FBLN7: variants seen among roughly 807,000 people sequenced by gnomAD.
The protein encoded by FBLN7 is fibulin 7, also known as fibulin-7.
A neutral mutation model predicts 44.0 loss-of-function variants in FBLN7; 31 were observed. The observed-to-expected ratio is 0.70, with a 90% CI of 0.53 to 0.95. FBLN7 has a LOEUF of 0.95. FBLN7 is among the 40% of genes least tolerant of loss of function. The pLI is 0.00. For synonymous variants in FBLN7, 262 were observed against 253.4 expected, an observed-to-expected ratio of 1.03 and a Z score of -0.32; for missense variants, 573 against 618.5, an observed-to-expected ratio of 0.93 and a Z score of 0.78.
chr2:112,159,724 C>T lies in FBLN7; in HGVS notation c.124C>T (p.Gln42Ter). The change falls in exon 2 of 8, where the codon CAG becomes TAG. Residue 42 changes from glutamine to a stop codon, truncating the protein, a stop_gained. Transcript: ENST00000331203. LOFTEE classifies it high-confidence loss of function. The stretch of plus-strand genomic sequence containing the variant: ...CCTCTCGGCCATCCGCCAGCTGCAG[C>T]AGCTGCTGAAGGGCCAGGAGACACG... ...QLLSAIRQLQ[Q>*]LLKGQETRFA... 4 of 1,586,230 alleles carry T rather than the reference C, an allele frequency of 2.5e-6. No individual in the cohort carries two copies. Among genetic ancestry groups the T allele is most frequent in the Non-Finnish European group, 3.4e-6 (4 of 1,166,188 alleles).
the FBLN7 span, chr2:112,230,702 C>A: frequency 4.2e-5 from 10 of 238,882 alleles, no homozygotes; most frequent in African/African-American, 2.3e-4. Flanking sequence ...TAAAAATATA[C>A]CTGATAGACA....
intron 1 of FBLN7, among the ~76,000 whole-genome samples, chr2:112,157,884 T>G (rs1165694727): frequency 6.6e-6 from 1 of 151,704 alleles, no homozygotes; most frequent in Non-Finnish European, 1.5e-5. Context: ...GCACCCAGCC[T>G]GTCCTGGTTC....
the FBLN7 span, among the ~76,000 whole-genome samples, chr2:112,201,093 C>T: frequency 6.6e-6 from 1 of 152,108 alleles, no homozygotes; most frequent in South Asian, 2.1e-4. Context: ...TTGCTGAGAT[C>T]AAAGGAGGGT....
At chr2:112,185,071 C>G (rs1683201193) in intron 6 of FBLN7, 130 bp from the exon 7 acceptor site, 1 of 1,284,032 alleles carries the variant, frequency 7.8e-7, no homozygotes, top group African/African-American at 1.5e-5. Context: ...GGCAGGCTTT[C>G]TGCTTTAAGA....
chr2:112,152,134 CCTCT>C (rs1030075088), intron 1 of FBLN7: 2 of 152,242 alleles, frequency 1.3e-5, no homozygotes, highest in African/African-American at 4.8e-5. Flanking sequence ...TCTGTGCACC[CCTCT>C]CTAAGGTGAG....
At chr2:112,147,884 G>A (rs1022387386) in intron 1 of FBLN7, among the ~76,000 whole-genome samples, 16 of 152,114 alleles carry the variant, frequency 1.1e-4, no homozygotes, top group Admixed American at 9.2e-4. Flanking sequence ...ATCCCGGGTC[G>A]TAGGTGGGGG....
chr2:112,138,537 G>GC lies in FBLN7; in HGVS notation c.-113dup, dbSNP rs1389740462. The GC allele has an allele frequency of 1.4e-5, 17 of 1,184,202 alleles. No homozygotes were observed. The highest frequency in any genetic ancestry group is 3.2e-4 in the Middle Eastern group (1 of 3,092). 73.4% of individuals were successfully genotyped at this position (1,184,202 alleles called of 1,614,324 possible). A position where few individuals can be genotyped will look rare whatever the true frequency, so the allele number is the denominator to read the frequency against. ...TCCCGCCTCCCCCCCTGCCCCAGCC[G>GC]CCCCCCGGCCGCGCGGCGCCCCGCA... On this transcript the variant is annotated 5_prime_UTR_variant, in exon 1 of 8. Transcript: ENST00000331203.
the FBLN7 span, among the ~76,000 whole-genome samples, chr2:112,210,990 C>T: frequency 6.6e-6 from 1 of 152,196 alleles, no homozygotes; most frequent in Non-Finnish European, 1.5e-5. Flanking sequence ...CAAACTCATT[C>T]AGGTTGCTGA....
At chr2:112,207,616 TG>T in the FBLN7 span, among the ~76,000 whole-genome samples, 3 of 152,326 alleles carry the variant, frequency 2.0e-5, no homozygotes, top group African/African-American at 4.8e-5. Flanking sequence ...AAAGGAGTGT[TG>T]AAGTTACCAA....
the FBLN7 span, chr2:112,216,256 CCA>C: frequency 6.6e-6 from 1 of 152,272 alleles, no homozygotes; most frequent in Non-Finnish European, 1.5e-5. Flanking sequence ...CTCTCCTATT[CCA>C]ATGGCTGGAA....
the FBLN7 span, chr2:112,234,209 G>T: frequency 3.7e-6 from 6 of 1,607,916 alleles, no homozygotes; most frequent in African/African-American, 8.0e-5. Flanking sequence ...TGACTCAAAT[G>T]CTGCTGCTTC....
intron 1 of FBLN7, among the ~76,000 whole-genome samples, chr2:112,144,523 C>CTTTTTTTTTTTTTTT (rs35764058): frequency 8.1e-6 from 1 of 123,796 alleles, no homozygotes; most frequent in African/African-American, 3.0e-5. Context: ...GTTTTCTTTT[C>CTTTTTTTTTTTTTTT]TTTTTTTTTT....
Position 112,185,219 on chromosome 2 carries a change from G to A in FBLN7, c.827G>A (p.Gly276Asp). Reference sequence around the variant, plus strand: ...ATCTCAGATGTGGATGAATGTGTGGGCCTGCAGCCGGTGTGCCCCCAGGGG... The same window carrying A: ...ATCTCAGATGTGGATGAATGTGTGGACCTGCAGCCGGTGTGCCCCCAGGGG... ...KSCEDVDECV[G>D]LQPVCPQGTT... The change falls in exon 7 of 8, where the codon GGC becomes GAC. Residue 276 changes from glycine to aspartate, a missense_variant. Gly to Asp is a moderately conservative substitution (Grantham distance 94, BLOSUM62 -1). Coordinates refer to ENST00000331203, the MANE Select transcript of FBLN7 (RefSeq NM_153214.3). 1 of 1,613,672 alleles carries A rather than the reference G, an allele frequency of 6.2e-7. No homozygotes were observed. Among genetic ancestry groups the A allele is most frequent in the Non-Finnish European group, 8.5e-7 (1 of 1,179,658 alleles).
the FBLN7 span, among the ~76,000 whole-genome samples, chr2:112,204,640 G>A: frequency 1.3e-5 from 2 of 152,194 alleles, no homozygotes; most frequent in African/African-American, 4.8e-5. Flanking sequence ...CCAGAAGACA[G>A]TGGGAGGACA....
At chr2:112,143,271 T>C (rs544628911) in intron 1 of FBLN7, among the ~76,000 whole-genome samples, 24 of 152,296 alleles carry the variant, frequency 1.6e-4, no homozygotes, top group Admixed American at 4.6e-4. Context: ...AAACACCTCA[T>C]TGGGGAGATC....
chr2:112,156,888 C>A (rs1010725612), intron 1 of FBLN7, among the ~76,000 whole-genome samples: 1 of 152,084 alleles, frequency 6.6e-6, no homozygotes, highest in African/African-American at 2.4e-5. Flanking sequence ...CCTGGGAGAG[C>A]GGCAGTGGCT....
At chr2:112,242,753 A>G in the FBLN7 span, among the ~76,000 whole-genome samples, 1 of 152,226 alleles carries the variant, frequency 6.6e-6, no homozygotes, top group South Asian at 2.1e-4. Context: ...AGAGAGTAAC[A>G]GAAAAATTAG....
intron 7 of FBLN7, among the ~76,000 whole-genome samples, chr2:112,186,861 CATAA>C (rs987632934): frequency 6.6e-6 from 1 of 152,170 alleles, no homozygotes; most frequent in Non-Finnish European, 1.5e-5. Flanking sequence ...ATAGTAATAG[CATAA>C]ATAAATGTAT....
At chr2:112,197,605 AAATCACCT>A in the FBLN7 span, among the ~76,000 whole-genome samples, 1 of 152,204 alleles carries the variant, frequency 6.6e-6, no homozygotes, top group African/African-American at 2.4e-5. Context: ...AGCTGAGGGT[AAATCACCT>A]ATTGCTGAAA....
Sources: gnomAD v4.1 joint callset for allele counts (sites outside exome capture counted in the v4.1 genomes callset) on GRCh38, gnomAD v4.1.1 for gene constraint, MANE v1.5 for transcripts, NCBI Gene and HGNC (gene_info 2026-07-23, HGNC 2026-07-21) for gene names.